Variants in RGS7 observed in about 807,000 individuals in gnomAD.
The protein encoded by RGS7 is regulator of G protein signaling 7, also known as regulator of G-protein signaling 7.
Under a neutral mutation model 81.1 loss-of-function variants are expected in RGS7, and 27 were observed. The observed-to-expected ratio is 0.33, with a 90% CI of 0.25 to 0.46. The LOEUF is 0.46. Ranked by LOEUF, RGS7 falls within the 20% of genes least tolerant of loss-of-function variation. The pLI is 1.00. For synonymous variants in RGS7, 208 were observed against 207.7 expected (o/e 1.00, Z -0.01); for missense variants, 396 against 607.4 (o/e 0.65, Z 3.66).
chr1:241,316,520 T>C (rs77230360), intron 2 of RGS7, among the ~76,000 whole-genome samples: 23,637 of 152,198 alleles, frequency 0.16, 1,947 homozygotes, highest in South Asian at 0.21. Context: ...TTTGAGGAGC[T>C]GTATTCAGGA....
chr1:241,031,190 C>T (rs745910677), intron 3 of RGS7, among the ~76,000 whole-genome samples: 6 of 152,158 alleles, frequency 3.9e-5, no homozygotes, highest in Non-Finnish European at 7.3e-5. Flanking sequence ...CACTGTTTTG[C>T]TCCTACTTAC....
At position 241,108,076 on chromosome 1, in the gene RGS7, C is replaced by A. The variant is rs567748744; in HGVS notation, c.79-9314G>T. ...TTGGGATGCCGAGGCGGGTGGATCA[C>A]AAGGTCAGGAGTTTGAGACCAACAT... is the stretch of plus-strand genomic sequence containing the variant. On this transcript the variant is annotated intron_variant, in intron 2 of 18. Transcript: ENST00000440928. Among the ~76,000 whole-genome samples, 3 of 151,828 alleles carry A rather than the reference C, an allele frequency of 2.0e-5. No homozygotes were observed. The East Asian group carries it at 5.8e-4, about 30-fold the overall frequency.
At chr1:241,247,251 A>C (rs1201089553) in intron 2 of RGS7, among the ~76,000 whole-genome samples, 1 of 152,102 alleles carries the variant, frequency 6.6e-6, no homozygotes, top group African/African-American at 2.4e-5. Flanking sequence ...AATTTGAATA[A>C]CTCGATTGGT....
chr1:240,797,839 T>C (rs1049592298), intron 18 of RGS7, among the ~76,000 whole-genome samples: 3 of 152,180 alleles, frequency 2.0e-5, no homozygotes, highest in African/African-American at 7.2e-5. Flanking sequence ...ACTTCTCTGA[T>C]AGCAAGAAAA....
intron 6 of RGS7, among the ~76,000 whole-genome samples, chr1:240,890,199 C>T (rs261812): frequency 0.36 from 54,640 of 152,052 alleles, 10,190 homozygotes; most frequent in East Asian, 0.52. Flanking sequence ...TGTCACCAGG[C>T]TGGAGGGCAG....
intron 2 of RGS7, among the ~76,000 whole-genome samples, chr1:241,219,021 G>T (rs1427367913): frequency 7.2e-5 from 11 of 152,156 alleles, no homozygotes; most frequent in Admixed American, 6.5e-4. Flanking sequence ...CTGCTTTCTG[G>T]GGGAGTTTTG....
intron 10 of RGS7, among the ~76,000 whole-genome samples, chr1:240,816,834 G>C: frequency 6.6e-6 from 1 of 152,134 alleles, no homozygotes; most frequent in South Asian, 2.1e-4. Flanking sequence ...ATTTTACATA[G>C]GAATTAAATG....
At chr1:240,862,101 T>A (rs1413234838) in intron 9 of RGS7, among the ~76,000 whole-genome samples, 3 of 152,170 alleles carry the variant, frequency 2.0e-5, no homozygotes, top group African/African-American at 7.2e-5. Flanking sequence ...GGCAATTCTG[T>A]CTGGAGTCCT....
In RGS7 at chr1:241,319,861, G is replaced by A. The variant is rs141370644; in HGVS notation, c.78+35838C>T. ...TAATCCCAGCACTTTGGGAGGCTGA[G>A]GCGGGCAGATCACGAGGTCAGGAGT... On this transcript the variant is annotated intron_variant, in intron 2 of 18. Transcript: ENST00000440928. 2.5e-3 allele frequency among the ~76,000 whole-genome samples: 384 copies of A among 152,266 alleles called. 12 individuals carry two copies. In the South Asian group the frequency reaches 0.05, roughly 20 times the overall value.
At chr1:241,041,691 C>T (rs945029891) in intron 3 of RGS7, among the ~76,000 whole-genome samples, 11 of 152,080 alleles carry the variant, frequency 7.2e-5, no homozygotes, top group Non-Finnish European at 1.2e-4. Flanking sequence ...AGACTTAGGT[C>T]GCATTTACAC....
At chr1:241,242,451 T>A (rs2076311496) in intron 2 of RGS7, among the ~76,000 whole-genome samples, 1 of 152,212 alleles carries the variant, frequency 6.6e-6, no homozygotes, top group Admixed American at 6.5e-5. Context: ...TGTACAAGTA[T>A]CTTTCTCGTA....
chr1:240,853,255 T>C (rs1160649391), intron 9 of RGS7, among the ~76,000 whole-genome samples: 1 of 152,170 alleles, frequency 6.6e-6, no homozygotes, highest in Admixed American at 6.5e-5. Context: ...AAATAAAGAA[T>C]AGTTTTATCA....
intron 9 of RGS7, among the ~76,000 whole-genome samples, chr1:240,839,244 C>T (rs775384947): frequency 7.9e-5 from 12 of 152,178 alleles, no homozygotes; most frequent in Non-Finnish European, 1.2e-4. Context: ...TTCTCTAATT[C>T]GTTGCTTGGT....
chr1:241,082,620 T>C (rs1230511225), intron 3 of RGS7, among the ~76,000 whole-genome samples: 3 of 152,118 alleles, frequency 2.0e-5, no homozygotes, highest in African/African-American at 4.8e-5. Context: ...AAAAATACAG[T>C]CTGATAGAAG....
intron 2 of RGS7, among the ~76,000 whole-genome samples, chr1:241,138,882 A>C (rs889503612): frequency 6.6e-5 from 10 of 152,216 alleles, no homozygotes; most frequent in African/African-American, 2.4e-4. Context: ...CGCACCAGGC[A>C]TTAAGCAAAT....
intron 2 of RGS7, among the ~76,000 whole-genome samples, chr1:241,264,135 T>C (rs1213922856): frequency 6.6e-6 from 1 of 152,254 alleles, no homozygotes; most frequent in Non-Finnish European, 1.5e-5. Flanking sequence ...TTCTAACTTA[T>C]GTTTGAGTAT....
intron 2 of RGS7, among the ~76,000 whole-genome samples, chr1:241,248,640 C>T (rs887879032): frequency 9.2e-5 from 14 of 151,966 alleles, no homozygotes; most frequent in African/African-American, 3.4e-4. Flanking sequence ...TCCTCCACTG[C>T]ATTTTAAGCT....
At chr1:241,125,909 G>C (rs1180116245) in intron 2 of RGS7, among the ~76,000 whole-genome samples, 1 of 152,060 alleles carries the variant, frequency 6.6e-6, no homozygotes, top group Non-Finnish European at 1.5e-5. Context: ...CCCAATGAGA[G>C]GAAAAAATGC....
intron 9 of RGS7, among the ~76,000 whole-genome samples, chr1:240,861,443 T>A (rs1662175929): frequency 6.6e-6 from 1 of 152,174 alleles, no homozygotes; most frequent in African/African-American, 2.4e-5. Flanking sequence ...TCATTTTCTA[T>A]CCAGTGATTG....
Sources: allele counts gnomAD v4.1 joint callset (sites outside exome capture counted in the v4.1 genomes callset), GRCh38; gene constraint gnomAD v4.1.1; transcripts MANE v1.5; gene names NCBI Gene and HGNC (gene_info 2026-07-23, HGNC 2026-07-21).